PCLO: variants seen among roughly 807,000 people sequenced by gnomAD.
The protein encoded by PCLO is piccolo presynaptic cytomatrix protein.
Under a neutral mutation model 427.5 loss-of-function variants are expected in PCLO, and 82 were observed. The observed-to-expected ratio is 0.19, with a 90% CI of 0.16 to 0.23. PCLO has a LOEUF of 0.23. PCLO is among the 10% of genes least tolerant of loss of function. The pLI is 1.00. For missense variants in PCLO, 6,239 were observed against 6,115.9 expected, an observed-to-expected ratio of 1.02 and a Z score of -0.67; for synonymous variants, 2,357 against 2,155.4, an observed-to-expected ratio of 1.09 and a Z score of -2.59.
Position 82,952,720 on chromosome 7 carries a change from T to C in PCLO, c.8233A>G (p.Ile2745Val). 2 of 1,613,824 alleles carry C rather than the reference T, an allele frequency of 1.2e-6. No homozygotes were observed. The highest frequency in any genetic ancestry group is 8.5e-7 in the Non-Finnish European group (1 of 1,179,774). The change falls in exon 5 of 25, where the codon ATT becomes GTT. Residue 2745 changes from isoleucine to valine, a missense_variant. This residue lies in a region of PCLO where 4,677 missense variants were observed against 4,468.4 expected (regional missense o/e 1.05). Transcript: ENST00000333891. ...TCCATTGTAGAAGCAGAAAGATCAA[T>C]ACATTTATCAGTTGTTTTAACTTCT... ...KVEVKTTDKC[I>V]DLSASTMDVK...
At chr7:82,937,849 TG>T (rs1794993108) in intron 6 of PCLO, among the ~76,000 whole-genome samples, 1 of 151,860 alleles carries the variant, frequency 6.6e-6, no homozygotes, top group South Asian at 2.1e-4. Context: ...ATTTCAGTTG[TG>T]TTTTGTCCTT....
chr7:82,882,963 A>G (rs62461402), intron 9 of PCLO, among the ~76,000 whole-genome samples: 12,126 of 152,138 alleles, frequency 0.08, 541 homozygotes, highest in East Asian at 0.12. Flanking sequence ...TAAAATATAT[A>G]CTAAAATATT....
intron 2 of PCLO, among the ~76,000 whole-genome samples, chr7:83,137,342 C>T (rs1255637966): frequency 4.6e-5 from 7 of 152,152 alleles, no homozygotes; most frequent in Admixed American, 1.3e-4. Flanking sequence ...TGAACTGAAA[C>T]GTTATACTTC....
In PCLO at chr7:82,950,062, G is replaced by C; in HGVS notation, c.10526C>G (p.Pro3509Arg). 2 of 1,604,428 alleles carry C rather than the reference G, an allele frequency of 1.2e-6. No homozygotes were observed. Among genetic ancestry groups the C allele is most frequent in the Non-Finnish European group, 1.7e-6 (2 of 1,176,406 alleles). The stretch of plus-strand genomic sequence containing the variant: ...TGCTATGCTGGAGACTTTGGAAAGG[G>C]GTTTGGTCTTGTCAGCCTCTGTCAT... ...DSMTEADKTK[P>R]LSKVSSIAVQ... Residue 3509 changes from proline to arginine, a missense_variant, in exon 6 of 25, where the codon CCC (proline) becomes CGC (arginine). Pro to Arg is a moderately radical substitution (Grantham distance 103). Around this residue, in one of 5 missense-constraint regions of PCLO, gnomAD observed 4,677 missense variants for 4,468.4 expected, o/e 1.05. Coordinates refer to ENST00000333891, the MANE Select transcript of PCLO (RefSeq NM_033026.6).
intron 10 of PCLO, among the ~76,000 whole-genome samples, chr7:82,856,986 C>A (rs925075319): frequency 6.6e-6 from 1 of 152,068 alleles, no homozygotes; most frequent in African/African-American, 2.4e-5. Flanking sequence ...TCCTTACTCT[C>A]TCTGTGTTGT....
At chr7:82,966,583 C>T in intron 3 of PCLO, 96 bp from the exon 4 acceptor site, 1 of 646,526 alleles carries the variant, frequency 1.5e-6, no homozygotes, top group Non-Finnish European at 2.4e-6. Flanking sequence ...TTCCTATCTG[C>T]TGTTTTTGTA....
rs564320909 is a variant in PCLO at position 82,950,157 on chromosome 7, T to G, written c.10431A>C (p.Glu3477Asp). ...SVDTSVQTDDEDQDEWDMPTR... is the reference protein window; with the variant it reads ...SVDTSVQTDDDDQDEWDMPTR... ...TAGGCATATCCCACTCATCCTGATC[T>G]TCATCATCAGTTTGGACGCTTGTAT... Residue 3477 changes from glutamate (E) to aspartate (D), a missense_variant, in exon 6 of 25, where the codon GAA becomes GAC. Transcript: ENST00000333891. 45 of 1,610,972 alleles carry G rather than the reference T, an allele frequency of 2.8e-5. 2 individuals carry two copies. In the South Asian group the frequency reaches 4.8e-4, roughly 17 times the overall value.
At chr7:82,813,278 C>T (rs1041928892) in intron 20 of PCLO, among the ~76,000 whole-genome samples, 1 of 151,634 alleles carries the variant, frequency 6.6e-6, no homozygotes, top group African/African-American at 2.4e-5. Flanking sequence ...TTTCTCCAAA[C>T]AGATTATATT....
intron 3 of PCLO, among the ~76,000 whole-genome samples, chr7:83,093,488 A>ATTTTT (rs1322277167): frequency 6.1e-4 from 42 of 69,306 alleles, no homozygotes; most frequent in African/African-American, 1.7e-3. Flanking sequence ...ATATATATAT[A>ATTTTT]TATATTTTTT....
At chr7:82,825,466 C>A (rs992626840) in intron 18 of PCLO, among the ~76,000 whole-genome samples, 27 of 151,834 alleles carry the variant, frequency 1.8e-4, no homozygotes, top group African/African-American at 5.8e-4. Flanking sequence ...AAGAGATGTG[C>A]AAAGTCTTAA....
In PCLO at chr7:82,950,623, G is replaced by A; in HGVS notation, c.9965C>T (p.Pro3322Leu). The A allele has an allele frequency of 1.2e-6, 2 of 1,613,830 alleles. No homozygotes were observed. Among genetic ancestry groups the A allele is most frequent in the South Asian group, 1.1e-5 (1 of 91,078 alleles). The change falls in exon 6 of 25, where the codon CCT (proline) becomes CTT (leucine). Residue 3322 changes from proline (P) to leucine (L), a missense_variant. Transcript: ENST00000333891. ...IRQIYQYNYD[P>L]SGTASPQTTT... ...GGTTTGTGGAGAAGCAGTTCCAGAA[G>A]GGTCATAGTTATACTGGTAGATCTG...
chr7:82,970,557 G>T (rs1377759622), intron 3 of PCLO, among the ~76,000 whole-genome samples: 1 of 151,838 alleles, frequency 6.6e-6, no homozygotes, highest in Non-Finnish European at 1.5e-5. Flanking sequence ...TGCTAAACTG[G>T]TGGTCTCATA....
Position 82,907,979 on chromosome 7 carries a change from C to T in PCLO, c.13437+898G>A, listed in dbSNP as rs546750591. 9.9e-5 allele frequency among the ~76,000 whole-genome samples: 15 copies of T among 152,128 alleles called. No individual in the cohort carries two copies. The South Asian group carries it at 2.9e-3, about 29-fold the overall frequency. ...ATTATAGTAAGTCTATATGGATCTTCTCAGTTGTTTAAAATATGGTTGTTT... is the reference window on the plus strand; with the variant it reads ...ATTATAGTAAGTCTATATGGATCTTTTCAGTTGTTTAAAATATGGTTGTTT... On this transcript the variant is annotated intron_variant, in intron 8 of 24. Coordinates refer to ENST00000333891, the MANE Select transcript of PCLO (RefSeq NM_033026.6).
intron 1 of PCLO, among the ~76,000 whole-genome samples, chr7:83,156,863 C>A (rs1259442608): frequency 1.3e-5 from 2 of 151,900 alleles, no homozygotes; most frequent in African/African-American, 4.8e-5. Context: ...ATGCTAGCAG[C>A]ATTGAGAATT....
chr7:83,100,651 T>C (rs989777605), intron 3 of PCLO, among the ~76,000 whole-genome samples: 9 of 152,082 alleles, frequency 5.9e-5, no homozygotes, highest in African/African-American at 2.2e-4. Context: ...GGGGACCTTT[T>C]TGGAGGATGG....
intron 3 of PCLO, among the ~76,000 whole-genome samples, chr7:83,113,975 G>T (rs1322600747): frequency 6.6e-6 from 1 of 151,898 alleles, no homozygotes; most frequent in African/African-American, 2.4e-5. Context: ...TACCTTAAAA[G>T]AAATATATAA....
Position 82,952,543 on chromosome 7 carries a change from C to T in PCLO, c.8410G>A (p.Ala2804Thr), listed in dbSNP as rs976714. 581,807 of 1,613,526 alleles carry T rather than the reference C, an allele frequency of 0.36. 107,846 individuals are homozygous for T. The highest frequency in any genetic ancestry group is 0.48 in the East Asian group (21,343 of 44,832). ...TVTFVTCTAS[A>T]SYTTGTESLV... ...CTTTCTGTGCCTGTAGTGTAACTTG[C>T]ACTAGCTGTGCATGTGACAAAGGTC... is the stretch of plus-strand genomic sequence containing the variant. The change falls in exon 5 of 25, where the codon GCA (alanine) becomes ACA (threonine). Residue 2804 changes from alanine (A) to threonine (T), a missense_variant. Physicochemically the swap from Ala to Thr is moderately conservative, Grantham distance 58. This residue lies in a region of PCLO where 4,677 missense variants were observed against 4,468.4 expected (regional missense o/e 1.05). Transcript: ENST00000333891.
chr7:82,847,073 C>A, intron 11 of PCLO, 66 bp downstream of exon 11: 2 of 798,686 alleles, frequency 2.5e-6, no homozygotes. Flanking sequence ...TCCACCTTAA[C>A]AATTTTAAAT....
intron 3 of PCLO, among the ~76,000 whole-genome samples, chr7:83,086,365 TC>T (rs1297194152): frequency 6.6e-6 from 1 of 152,122 alleles, no homozygotes; most frequent in African/African-American, 2.4e-5. Context: ...AGACTCAGCA[TC>T]CCAAAGTTCT....
Sources: allele counts gnomAD v4.1 joint callset (sites outside exome capture counted in the v4.1 genomes callset), GRCh38; gene constraint gnomAD v4.1.1; regional missense constraint gnomAD v4.1.1; transcripts MANE v1.5; gene names NCBI Gene and HGNC (gene_info 2026-07-23, HGNC 2026-07-21).